The following GPC5 variants were observed in gnomAD, a reference collection of about 807,000 sequenced individuals.
The protein encoded by GPC5 is glypican 5, also known as glypican-5.
In GPC5, 47 loss-of-function variants were observed where a neutral mutation model predicts 53.9. The ratio of observed to expected loss-of-function variants is 0.87; its 90% CI spans 0.69 to 1.11. The LOEUF (loss-of-function observed/expected upper bound fraction) is 1.11, where lower values mean the gene tolerates loss of function less well. Ranked by LOEUF, GPC5 falls within the 50% of genes most tolerant of loss-of-function variation. The probability of loss-of-function intolerance (pLI) is 0.00; values close to 1 mark genes in which losing one functional copy is unlikely to be tolerated. For synonymous variants in GPC5, 286 were observed against 263.3 expected, an observed-to-expected ratio of 1.09 and a Z score of -0.84; for missense variants, 748 against 713.1, an observed-to-expected ratio of 1.05 and a Z score of -0.56.
chr13:92,267,708 CT>C (rs34306732), intron 7 of GPC5, among the ~76,000 whole-genome samples: 4 of 151,688 alleles, frequency 2.6e-5, no homozygotes, highest in African/African-American at 9.7e-5. Context: ...CTGGCTTACT[CT>C]TTTTTTGTAA....
At chr13:92,407,086 G>T (rs1393673827) in intron 7 of GPC5, among the ~76,000 whole-genome samples, 1 of 152,130 alleles carries the variant, frequency 6.6e-6, no homozygotes, top group Non-Finnish European at 1.5e-5. Flanking sequence ...AATAGCAACT[G>T]AATTAAACTA....
chr13:92,424,241 A>G (rs1032925509), intron 7 of GPC5, among the ~76,000 whole-genome samples: 13 of 152,140 alleles, frequency 8.5e-5, no homozygotes, highest in African/African-American at 3.1e-4. Flanking sequence ...TAATCAAAAC[A>G]TTACAATAAA....
At chr13:92,448,066 C>G (rs986972480) in intron 7 of GPC5, 2 of 152,038 alleles carry the variant, frequency 1.3e-5, no homozygotes, top group Non-Finnish European at 2.9e-5. Context: ...GAAGAAAATG[C>G]AGCTTTACTT....
chr13:92,628,264 CTTTTTTTTTTTTTTTTT>C (rs71123419), intron 7 of GPC5, among the ~76,000 whole-genome samples: 1 of 45,356 alleles, frequency 2.2e-5, no homozygotes. Flanking sequence ...CTTTTTCTTT[CTTTTTTTTTTTTTTTTT>C]TTTTTTTTTT....
chr13:92,218,532 T>C (rs2042426808), intron 7 of GPC5, among the ~76,000 whole-genome samples: 2 of 152,192 alleles, frequency 1.3e-5, no homozygotes. Flanking sequence ...AGAGAATTTG[T>C]ACCTCCTCTT....
At chr13:91,764,353 G>T (rs377349282) in intron 5 of GPC5, among the ~76,000 whole-genome samples, 27 of 152,216 alleles carry the variant, frequency 1.8e-4, no homozygotes, top group Middle Eastern at 3.4e-3. Flanking sequence ...CTTTAATGAC[G>T]TATTGGCTTG....
chr13:91,410,630 G>A (rs1205448367), intron 1 of GPC5, among the ~76,000 whole-genome samples: 3 of 152,014 alleles, frequency 2.0e-5, no homozygotes, highest in Admixed American at 6.5e-5. Context: ...ACAGGCGTGA[G>A]CCACTACGCC....
chr13:91,950,667 G>A (rs1435650461), intron 6 of GPC5, among the ~76,000 whole-genome samples: 2 of 152,110 alleles, frequency 1.3e-5, no homozygotes, highest in African/African-American at 2.4e-5. Flanking sequence ...GAGACTCAGC[G>A]CAGTGTCAGT....
intron 7 of GPC5, among the ~76,000 whole-genome samples, chr13:92,149,936 A>G (rs1158269537): frequency 6.6e-6 from 1 of 152,024 alleles, no homozygotes; most frequent in Non-Finnish European, 1.5e-5. Context: ...ATGCCATTAT[A>G]CTATATGATT....
intron 6 of GPC5, among the ~76,000 whole-genome samples, chr13:92,009,453 T>C (rs2138771114): frequency 6.6e-6 from 1 of 152,292 alleles, no homozygotes; most frequent in South Asian, 2.1e-4. Flanking sequence ...GAGACTCTAC[T>C]AACTATTCAA....
At chr13:92,660,794 A>T (rs1272656056) in intron 7 of GPC5, among the ~76,000 whole-genome samples, 1 of 152,204 alleles carries the variant, frequency 6.6e-6, no homozygotes, top group African/African-American at 2.4e-5. Context: ...TGATGGAAAT[A>T]TTCCCTAAAT....
At chr13:92,760,797 TC>T (rs1177320862) in intron 7 of GPC5, among the ~76,000 whole-genome samples, 5 of 152,128 alleles carry the variant, frequency 3.3e-5, no homozygotes, top group African/African-American at 1.2e-4. Flanking sequence ...GCTATAAACT[TC>T]CCCCTTAGAA....
intron 5 of GPC5, among the ~76,000 whole-genome samples, chr13:91,783,813 G>T (rs2037836043): frequency 6.6e-6 from 1 of 152,124 alleles, no homozygotes; most frequent in South Asian, 2.1e-4. Flanking sequence ...TGTGTTAAAA[G>T]TTCTACTAAA....
chr13:92,766,359 T>G (rs141605543), intron 7 of GPC5, among the ~76,000 whole-genome samples: 101 of 150,686 alleles, frequency 6.7e-4, no homozygotes, highest in African/African-American at 2.4e-3. Flanking sequence ...GAACAACATA[T>G]AAAGTGAAAA....
At chr13:91,805,334 T>C (rs2038203339) in intron 5 of GPC5, among the ~76,000 whole-genome samples, 1 of 152,206 alleles carries the variant, frequency 6.6e-6, no homozygotes, top group South Asian at 2.1e-4. Context: ...TGCTGTTTCT[T>C]TGAATCCCTT....
At chr13:91,733,976 G>A (rs2036759804) in intron 4 of GPC5, among the ~76,000 whole-genome samples, 1 of 152,062 alleles carries the variant, frequency 6.6e-6, no homozygotes, top group African/African-American at 2.4e-5. Flanking sequence ...GTCATAAATA[G>A]CTCTTATTAT....
chr13:92,212,257 A>G (rs539068076), intron 7 of GPC5, among the ~76,000 whole-genome samples: 55 of 152,260 alleles, frequency 3.6e-4, no homozygotes, highest in African/African-American at 1.3e-3. Flanking sequence ...AAACTGAGAC[A>G]GATAGAGGTG....
intron 7 of GPC5, among the ~76,000 whole-genome samples, chr13:92,362,068 C>T (rs987160271): frequency 5.9e-5 from 9 of 151,696 alleles, no homozygotes; most frequent in African/African-American, 2.0e-4. Context: ...ATTATTACTA[C>T]TATTAACTCT....
chr13:92,322,224 C>T (rs2043220698), intron 7 of GPC5, among the ~76,000 whole-genome samples: 1 of 151,216 alleles, frequency 6.6e-6, no homozygotes, highest in Non-Finnish European at 1.5e-5. Context: ...TTAGTTATGG[C>T]TTTAAAGGGG....
Sources: gnomAD v4.1 joint callset for allele counts (sites outside exome capture counted in the v4.1 genomes callset) on GRCh38, gnomAD v4.1.1 for gene constraint, MANE v1.5 for transcripts, NCBI Gene and HGNC (gene_info 2026-07-23, HGNC 2026-07-21) for gene names.